Variants in KCNQ5 observed in about 807,000 individuals in gnomAD.
KCNQ5 encodes potassium voltage-gated channel subfamily KQT member 5.
Under a neutral mutation model 98.2 loss-of-function variants are expected in KCNQ5, and 30 were observed. That is an observed-to-expected ratio of 0.31 (90% confidence interval 0.23 to 0.41). The LOEUF is 0.41. KCNQ5 is among the 10% of genes least tolerant of loss of function. The probability of loss-of-function intolerance (pLI) is 1.00; values close to 1 mark genes in which losing one functional copy is unlikely to be tolerated. For missense variants in KCNQ5, 835 were observed against 1,182.5 expected (o/e 0.71, Z 4.31); for synonymous variants, 458 against 449.4 (o/e 1.02, Z -0.24).
At chr6:73,034,839 C>CTTTTTTTTTTTTTTTTTTTTT (rs71669816) in intron 2 of KCNQ5, among the ~76,000 whole-genome samples, 1 of 113,540 alleles carries the variant, frequency 8.8e-6, no homozygotes, top group African/African-American at 3.1e-5. Context: ...TGCCTCTTTT[C>CTTTTTTTTTTTTTTTTTTTTT]TTTTTTTTTT....
chr6:72,730,180 T>C (rs529783364), intron 1 of KCNQ5, among the ~76,000 whole-genome samples: 1 of 152,216 alleles, frequency 6.6e-6, no homozygotes, highest in South Asian at 2.1e-4. Context: ...AAATAATAAA[T>C]AAATAAAAGA....
At chr6:73,058,149 A>G (rs1288327715) in intron 3 of KCNQ5, among the ~76,000 whole-genome samples, 1 of 152,362 alleles carries the variant, frequency 6.6e-6, no homozygotes, top group East Asian at 1.9e-4. Context: ...ACGGTGGCTC[A>G]CGCCTGTAAT....
At chr6:73,036,793 C>A (rs9446827) in intron 2 of KCNQ5, among the ~76,000 whole-genome samples, 36,901 of 152,022 alleles carry the variant, frequency 0.24, 7,235 homozygotes, top group African/African-American at 0.52. Context: ...ATTATGAATA[C>A]TTCTTCTGTG....
rs556764325 is a variant in KCNQ5, at chr6:72,876,064, T to C, written c.399-127844T>C. 1.2e-3 allele frequency among the ~76,000 whole-genome samples: 190 copies of C among 152,198 alleles called. 1 individual carries two copies. Among genetic ancestry groups the C allele is most frequent in the Non-Finnish European group, 2.4e-3 (160 of 67,948 alleles). On this transcript the variant is annotated intron_variant, in intron 1 of 13. Transcript: ENST00000370398. ...AACCTAGTCAATTGGCTTTTTGGTA[T>C]CTTAGGGGAGATGTCTTTTTAATAC...
intron 2 of KCNQ5, among the ~76,000 whole-genome samples, chr6:73,019,329 T>C (rs1487183577): frequency 6.6e-6 from 1 of 152,214 alleles, no homozygotes; most frequent in Admixed American, 6.5e-5. Context: ...CCTGTTCTTT[T>C]TAGTGTGAAA....
chr6:72,940,408 G>T (rs1766166893), intron 1 of KCNQ5, among the ~76,000 whole-genome samples: 1 of 152,102 alleles, frequency 6.6e-6, no homozygotes. Context: ...TGCCTAACCT[G>T]GCCTGAATCA....
chr6:73,001,997 G>C (rs777530613), intron 1 of KCNQ5, among the ~76,000 whole-genome samples: 1 of 15,324 alleles, frequency 6.5e-5, no homozygotes, highest in Admixed American at 9.8e-4. Flanking sequence ...GCTGGCCTGC[G>C]CCTATAGTCC....
In KCNQ5 at chr6:72,941,560, C is replaced by CTCCTTCCTTCCTCCTTCCCTCCCTTCCT. The variant is rs1562082681; in HGVS notation, c.399-62324_399-62323insTCCTTCCTTCCTTCCTCCTTCCCTCCCT. ...CCTCCTTCCTTTCCTTCTTCCCTCC[C>CTCCTTCCTTCCTCCTTCCCTCCCTTCCT]TCCTTCCTTCCTCCTTCCCTCCCTC... On this transcript the variant is annotated intron_variant, in intron 1 of 13. Coordinates refer to ENST00000370398, the MANE Select transcript of KCNQ5 (RefSeq NM_019842.4). 5.4e-4 allele frequency among the ~76,000 whole-genome samples: 44 copies of CTCCTTCCTTCCTCCTTCCCTCCCTTCCT among 80,904 alleles called. 5 individuals carry two copies. The East Asian group carries it at 7.9e-3, about 15-fold the overall frequency. 53.1% of individuals were successfully genotyped at this position (80,904 alleles called of 152,430 possible). A position where few individuals can be genotyped will look rare whatever the true frequency, so the allele number is the denominator to read the frequency against.
chr6:73,147,513 A>G (rs2150476804), intron 10 of KCNQ5, among the ~76,000 whole-genome samples: 1 of 152,286 alleles, frequency 6.6e-6, no homozygotes, highest in East Asian at 1.9e-4. Flanking sequence ...GTAATCACAG[A>G]AATAATACTA....
intron 10 of KCNQ5, among the ~76,000 whole-genome samples, chr6:73,147,773 G>A (rs1477219912): frequency 2.6e-5 from 4 of 151,892 alleles, no homozygotes; most frequent in African/African-American, 9.7e-5. Context: ...AAATTGTTTG[G>A]GGGTTTTAAA....
intron 4 of KCNQ5, 95 bp from the exon 5 acceptor site, chr6:73,077,667 A>C: frequency 7.6e-7 from 1 of 1,322,832 alleles, no homozygotes; most frequent in Non-Finnish European, 1.0e-6. Flanking sequence ...TAAACATCCA[A>C]GAAGTAGTAA....
At chr6:72,828,081 C>A (rs59147032) in intron 1 of KCNQ5, among the ~76,000 whole-genome samples, 40,107 of 151,784 alleles carry the variant, frequency 0.26, 6,206 homozygotes, top group African/African-American at 0.43. Context: ...CTGTTCCATT[C>A]TTCTGTGTGT....
At chr6:73,078,859 T>C (rs1000512999) in intron 5 of KCNQ5, among the ~76,000 whole-genome samples, 2 of 152,154 alleles carry the variant, frequency 1.3e-5, no homozygotes, top group African/African-American at 4.8e-5. Context: ...GAAGCAAAAA[T>C]TTTCCCTGCA....
At chr6:73,088,808 T>G (rs1162505839) in intron 5 of KCNQ5, among the ~76,000 whole-genome samples, 1 of 152,222 alleles carries the variant, frequency 6.6e-6, no homozygotes, top group Non-Finnish European at 1.5e-5. Context: ...CACTTAAAAT[T>G]TTCAAGTCAC....
At chr6:72,642,193 A>G (rs553543437) in intron 1 of KCNQ5, among the ~76,000 whole-genome samples, 3 of 148,484 alleles carry the variant, frequency 2.0e-5, no homozygotes, top group African/African-American at 7.3e-5. Context: ...CCAAATTTAC[A>G]AGTGAAAAAC....
chr6:72,865,676 G>A (rs1195989793), intron 1 of KCNQ5, among the ~76,000 whole-genome samples: 1 of 152,180 alleles, frequency 6.6e-6, no homozygotes, highest in Admixed American at 6.5e-5. Context: ...GTTGAAATTA[G>A]GGCATATCAT....
intron 1 of KCNQ5, among the ~76,000 whole-genome samples, chr6:72,885,993 C>T (rs1778830163): frequency 6.6e-6 from 1 of 152,160 alleles, no homozygotes; most frequent in Admixed American, 6.6e-5. Flanking sequence ...AACCTAAGTT[C>T]ACACCTCACA....
At chr6:73,160,539 T>G (rs1451248926) in intron 10 of KCNQ5, among the ~76,000 whole-genome samples, 1 of 152,214 alleles carries the variant, frequency 6.6e-6, no homozygotes, top group Non-Finnish European at 1.5e-5. Flanking sequence ...GACAAAACCT[T>G]GTTCCTGTAT....
intron 1 of KCNQ5, among the ~76,000 whole-genome samples, chr6:72,715,255 C>T (rs1050141077): frequency 1.3e-5 from 2 of 152,180 alleles, no homozygotes; most frequent in African/African-American, 4.8e-5. Flanking sequence ...CCTGTACCTG[C>T]TGGTGAGATC....
Sources: allele counts gnomAD v4.1 joint callset (sites outside exome capture counted in the v4.1 genomes callset), GRCh38; gene constraint gnomAD v4.1.1; transcripts MANE v1.5; gene names NCBI Gene and HGNC (gene_info 2026-07-23, HGNC 2026-07-21).